Variants in OPALIN observed in about 807,000 individuals in gnomAD.
The protein encoded by OPALIN is oligodendrocytic myelin paranodal and inner loop protein.
OPALIN carries 15 observed loss-of-function variants against 17.8 expected under a neutral mutation model. That is an observed-to-expected ratio of 0.84 (90% CI 0.56 to 1.29). OPALIN has a LOEUF of 1.29. OPALIN is among the 50% of genes most tolerant of loss of function. The pLI, the probability that OPALIN is intolerant of heterozygous loss-of-function variation, is 0.00. For synonymous variants in OPALIN, 62 were observed against 63.8 expected, an observed-to-expected ratio of 0.97 and a Z score of 0.14; for missense variants, 170 against 176.0, an observed-to-expected ratio of 0.97 and a Z score of 0.19.
intron 2 of OPALIN, 22 bp from the exon 3 acceptor site, chr10:96,351,432 A>G: frequency 2.0e-6 from 3 of 1,500,590 alleles, no homozygotes; most frequent in Non-Finnish European, 9.0e-7. Flanking sequence ...AAGAACATAT[A>G]TTGTAAAAGA....
chr10:96,356,904 C>A, intron 1 of OPALIN: 1 of 985,430 alleles, frequency 1.0e-6, no homozygotes, highest in Non-Finnish European at 1.2e-6. Context: ...TAGCTGTCAC[C>A]AGAACCTGAG....
intron 1 of OPALIN, among the ~76,000 whole-genome samples, chr10:96,356,654 G>A (rs1845832894): frequency 6.6e-6 from 1 of 152,216 alleles, no homozygotes; most frequent in Admixed American, 6.5e-5. Context: ...ATTCAGATGG[G>A]TTAATGAACA....
At position 96,345,615 on chromosome 10, in the gene OPALIN, A is replaced by G. The variant is rs1272976806; in HGVS notation, c.*326T>C. 2 of 240,428 alleles carry G rather than the reference A, an allele frequency of 8.3e-6. No homozygotes were observed. Among genetic ancestry groups the G allele is most frequent in the African/African-American group, 2.2e-5 (1 of 44,870 alleles). 14.9% of individuals were successfully genotyped at this position (240,428 alleles called of 1,614,324 possible). Reference sequence around the variant, plus strand: ...TTTTGAGAAAAAGGATATGAAAAAAAAAGATGAGAAGGCAAGACACTCAGA... The same window carrying G: ...TTTTGAGAAAAAGGATATGAAAAAAGAAGATGAGAAGGCAAGACACTCAGA... On this transcript the variant is annotated 3_prime_UTR_variant, in exon 6 of 6. Transcript: ENST00000371172.
In OPALIN at chr10:96,343,658, A is replaced by G. The variant is rs1475940391; in HGVS notation, c.*2283T>C. The G allele has an allele frequency of 6.6e-6, 1 of 152,230 alleles. No homozygotes were observed. Among genetic ancestry groups the G allele is most frequent in the Non-Finnish European group, 1.5e-5 (1 of 68,040 alleles). 9.4% of individuals were successfully genotyped at this position (152,230 alleles called of 1,614,324 possible). ...AGTACAAGCACCAGGATGACTGGGA[A>G]TGTCTGTTTAAAAATGGCTAAATCT... On this transcript the variant is annotated 3_prime_UTR_variant, in exon 6 of 6. Coordinates refer to ENST00000371172, the MANE Select transcript of OPALIN (RefSeq NM_033207.5).
At chr10:96,355,175 A>G in intron 2 of OPALIN, 80 bp downstream of exon 2, 1 of 829,896 alleles carries the variant, frequency 1.2e-6, no homozygotes, top group Non-Finnish European at 1.9e-6. Context: ...TGAGGGGTTT[A>G]TGTGAGTTCT....
At chr10:96,355,197 G>A (rs1845767042) in intron 2 of OPALIN, 58 bp downstream of exon 2, 1 of 1,462,440 alleles carries the variant, frequency 6.8e-7, no homozygotes, top group Non-Finnish European at 9.4e-7. Flanking sequence ...GAGACCTACT[G>A]TAAATTCTGC....
Position 96,348,292 on chromosome 10 carries a change from A to G in OPALIN, c.246T>C (p.Ser82=). The change falls in exon 5 of 6, where the codon TCT becomes TCC. Residue 82 remains serine, a synonymous_variant. Transcript: ENST00000371172. ...ISEIDDNPKI[S]ENPRRSPTHE... is the part of the protein sequence containing the mutation. The stretch of plus-strand genomic sequence containing the variant: ...GAGTATAACCAAGAGTTCTTACCTC[A>G]GATATCTTGGGATTGTCATCAATTT... 1 of 1,524,506 alleles carries G rather than the reference A, an allele frequency of 6.6e-7. No homozygotes were observed. Among genetic ancestry groups the G allele is most frequent in the Non-Finnish European group, 9.1e-7 (1 of 1,101,966 alleles). The allele number at this position is 1,524,506 out of a possible 1,614,324, so 94.4% of individuals were successfully genotyped here.
intron 3 of OPALIN, among the ~76,000 whole-genome samples, chr10:96,350,342 A>G (rs1845528446): frequency 2.0e-5 from 3 of 152,094 alleles, no homozygotes; most frequent in Admixed American, 6.5e-5. Context: ...CAGCCTCCTG[A>G]GTAGCTGGGA....
intron 2 of OPALIN, chr10:96,353,585 A>G: frequency 1.3e-6 from 1 of 746,514 alleles, no homozygotes; most frequent in Non-Finnish European, 2.5e-6. Context: ...CTGTTAACCA[A>G]GAGAGTACTC....
At chr10:96,358,186 T>TAAAAAAAAAAAAAAAA (rs61616596) in intron 1 of OPALIN, among the ~76,000 whole-genome samples, 2 of 61,586 alleles carry the variant, frequency 3.2e-5, no homozygotes, top group African/African-American at 5.1e-5. Context: ...ATGCTTTTTG[T>TAAAAAAAAAAAAAAAA]AAAAAAAAAA....
intron 1 of OPALIN, chr10:96,357,226 C>CAA: frequency 1.1e-6 from 1 of 918,020 alleles, no homozygotes; most frequent in South Asian, 5.0e-5. Context: ...AGCCCTAAGA[C>CAA]AAAGCTTCCT....
At chr10:96,354,930 T>C (rs1845742532) in intron 2 of OPALIN, among the ~76,000 whole-genome samples, 1 of 151,726 alleles carries the variant, frequency 6.6e-6, no homozygotes, top group Admixed American at 6.6e-5. Flanking sequence ...ACCCTGTCTC[T>C]ACTAAAAAGT....
At chr10:96,351,953 A>C (rs1039761130) in intron 2 of OPALIN, among the ~76,000 whole-genome samples, 5 of 152,202 alleles carry the variant, frequency 3.3e-5, no homozygotes, top group African/African-American at 4.8e-5. Context: ...CATTTATAAG[A>C]TATTTCAGGC....
intron 1 of OPALIN, among the ~76,000 whole-genome samples, chr10:96,358,084 T>A (rs1203725919): frequency 6.7e-6 from 1 of 150,146 alleles, no homozygotes; most frequent in East Asian, 2.0e-4. Flanking sequence ...GAGACCAAGA[T>A]AGGTTTTTGC....
chr10:96,350,250 C>G (rs138751516), intron 3 of OPALIN, among the ~76,000 whole-genome samples: 1,596 of 152,198 alleles, frequency 0.01, 16 homozygotes, highest in Non-Finnish European at 0.018. Context: ...GAGTCTTGCT[C>G]TGTTGCCCAG....
rs1428766061 is a variant in OPALIN at position 96,343,727 on chromosome 10, G to A, written c.*2214C>T. ...GATCCAGAGGACTTGGCACAAAACTGAGTTTCAAAAGGGGCTTTGAAGAGC... is the reference window on the plus strand; with the variant it reads ...GATCCAGAGGACTTGGCACAAAACTAAGTTTCAAAAGGGGCTTTGAAGAGC... On this transcript the variant is annotated 3_prime_UTR_variant, in exon 6 of 6. Coordinates refer to ENST00000371172, the MANE Select transcript of OPALIN (RefSeq NM_033207.5). 3 of 152,242 alleles carry A rather than the reference G, an allele frequency of 2.0e-5. No individual in the cohort carries two copies. Among genetic ancestry groups the A allele is most frequent in the Non-Finnish European group, 2.9e-5 (2 of 68,048 alleles). 9.4% of individuals were successfully genotyped at this position (152,242 alleles called of 1,614,324 possible). A position where few individuals can be genotyped will look rare whatever the true frequency, so the allele number is the denominator to read the frequency against.
chr10:96,356,822 G>A, intron 1 of OPALIN: 1 of 936,218 alleles, frequency 1.1e-6, no homozygotes. Context: ...TTGGCAATAG[G>A]ACACCCGCAT....
At position 96,349,763 on chromosome 10, in the gene OPALIN, C is replaced by A. The variant is rs1236942977; in HGVS notation, c.136G>T (p.Val46Leu). ...IPLLVATALLVALLFTLIHRR... is the reference protein window; with the variant it reads ...IPLLVATALLLALLFTLIHRR... ...TGAATCAAAGTAAATAGTAAAGCCA[C>A]CAGCAGGGCTGTGGCCACCAGCAAT... is the stretch of plus-strand genomic sequence containing the variant. Residue 46 changes from valine (V) to leucine (L), a missense_variant, in exon 4 of 6, where the codon GTG becomes TTG. Physicochemically the swap from Val to Leu is conservative, Grantham distance 32. Transcript: ENST00000371172. The A allele has an allele frequency of 1.2e-6, 2 of 1,613,892 alleles. No individual in the cohort carries two copies. The highest frequency in any genetic ancestry group is 1.7e-6 in the Non-Finnish European group (2 of 1,179,954).
intron 2 of OPALIN, 51 bp downstream of exon 2, chr10:96,355,204 C>T: frequency 1.4e-6 from 2 of 1,473,948 alleles, no homozygotes; most frequent in South Asian, 1.1e-5. Flanking sequence ...ACTGTAAATT[C>T]TGCACTGGTC....
Sources: gnomAD v4.1 joint callset for allele counts (sites outside exome capture counted in the v4.1 genomes callset) on GRCh38, gnomAD v4.1.1 for gene constraint, MANE v1.5 for transcripts, NCBI Gene and HGNC (gene_info 2026-07-23, HGNC 2026-07-21) for gene names.